CFAP96: variants seen among roughly 807,000 people sequenced by gnomAD.
CFAP96 encodes cilia and flagella associated protein 96, also known as cilia-and flagella-associated protein 96.
At chr4:185,416,298 T>C in the CFAP96 span, among the ~76,000 whole-genome samples, 3 of 152,236 alleles carry the variant, frequency 2.0e-5, no homozygotes, top group Non-Finnish European at 4.4e-5. Context: ...TCTCCACTTT[T>C]GTACTGATTT....
At chr4:185,443,647 C>A in the CFAP96 span, among the ~76,000 whole-genome samples, 1 of 151,580 alleles carries the variant, frequency 6.6e-6, no homozygotes, top group Non-Finnish European at 1.5e-5. Flanking sequence ...CAGTGCCTGG[C>A]CTATTTTATA....
At chr4:185,424,224 T>C in the CFAP96 span, among the ~76,000 whole-genome samples, 1 of 151,844 alleles carries the variant, frequency 6.6e-6, no homozygotes, top group African/African-American at 2.4e-5. Flanking sequence ...GAGGACTGCT[T>C]GGGCCGGGGA....
chr4:185,413,678 A>T, the CFAP96 span: 2 of 1,549,034 alleles, frequency 1.3e-6, no homozygotes, highest in East Asian at 2.3e-5. Context: ...AAAACAACTA[A>T]TAACATTACT....
chr4:185,437,449 C>A, the CFAP96 span, among the ~76,000 whole-genome samples: 28 of 152,264 alleles, frequency 1.8e-4, no homozygotes, highest in East Asian at 5.4e-3. Context: ...CATTAAATGG[C>A]AATCACTTTG....
the CFAP96 span, among the ~76,000 whole-genome samples, chr4:185,437,631 A>AT: frequency 1.4e-4 from 21 of 152,176 alleles, no homozygotes. Flanking sequence ...TTCTTATAAA[A>AT]TTGTATATAA....
the CFAP96 span, chr4:185,426,315 A>T: frequency 6.2e-6 from 1 of 161,374 alleles, no homozygotes; most frequent in Admixed American, 6.3e-5. Context: ...CCCGCAGCGC[A>T]GTTAACGTGG....
chr4:185,436,388 C>T, the CFAP96 span: 1 of 1,451,638 alleles, frequency 6.9e-7, no homozygotes, highest in Middle Eastern at 2.0e-4. Flanking sequence ...ATGTTTCAAC[C>T]TTTCTTTTAT....
chr4:185,429,439 A>G, the CFAP96 span: 6 of 1,537,588 alleles, frequency 3.9e-6, no homozygotes, highest in African/African-American at 1.4e-5. Context: ...AAAAACGGAC[A>G]TGGAAAGGAT....
chr4:185,435,006 G>A, the CFAP96 span, among the ~76,000 whole-genome samples: 1 of 151,824 alleles, frequency 6.6e-6, no homozygotes, highest in East Asian at 1.9e-4. Context: ...CTCCCAAAGT[G>A]CTGGGATTAC....
At chr4:185,445,020 T>G in the CFAP96 span, 2 of 1,551,532 alleles carry the variant, frequency 1.3e-6, no homozygotes, top group Non-Finnish European at 1.7e-6. Flanking sequence ...CTGCTGACCC[T>G]TATGTGGCTA....
At chr4:185,446,828 A>G in the CFAP96 span, among the ~76,000 whole-genome samples, 1 of 152,226 alleles carries the variant, frequency 6.6e-6, no homozygotes, top group Non-Finnish European at 1.5e-5. Flanking sequence ...GGGACTAATT[A>G]GCTTGAGATG....
At chr4:185,411,249 C>T in the CFAP96 span, among the ~76,000 whole-genome samples, 2 of 151,410 alleles carry the variant, frequency 1.3e-5, no homozygotes, top group South Asian at 2.1e-4. Flanking sequence ...AAAGCTGTTA[C>T]CAAAACTAAA....
the CFAP96 span, chr4:185,415,938 C>A: frequency 3.0e-5 from 39 of 1,299,826 alleles, no homozygotes; most frequent in Admixed American, 1.9e-4. Context: ...AGTAAAAAGA[C>A]TTTTCAAAAA....
chr4:185,408,440 A>G, the CFAP96 span: 1 of 1,612,392 alleles, frequency 6.2e-7, no homozygotes, highest in Non-Finnish European at 8.5e-7. Context: ...ATAAATCTAT[A>G]TACAGAGAAG....
the CFAP96 span, among the ~76,000 whole-genome samples, chr4:185,431,191 C>A: frequency 2.5e-5 from 3 of 121,076 alleles, no homozygotes; most frequent in Non-Finnish European, 4.8e-5. Context: ...GCCTGGGCAA[C>A]AGAGTGAGAC....
chr4:185,427,954 C>T, the CFAP96 span, among the ~76,000 whole-genome samples: 1 of 150,888 alleles, frequency 6.6e-6, no homozygotes, highest in East Asian at 1.9e-4. Context: ...GGCGTGGTGG[C>T]AGACGCCTGT....
chr4:185,425,983 A>C, the CFAP96 span: 2 of 1,182,314 alleles, frequency 1.7e-6, no homozygotes, highest in Non-Finnish European at 2.4e-6. Flanking sequence ...ACCAACTACA[A>C]CTCCCGACAT....
chr4:185,442,196 C>T, the CFAP96 span, among the ~76,000 whole-genome samples: 2 of 151,952 alleles, frequency 1.3e-5, no homozygotes, highest in Non-Finnish European at 2.9e-5. Flanking sequence ...CTGTCATATT[C>T]TCCAGAACTT....
the CFAP96 span, among the ~76,000 whole-genome samples, chr4:185,425,078 A>C: frequency 6.6e-6 from 1 of 152,228 alleles, no homozygotes; most frequent in Non-Finnish European, 1.5e-5. Context: ...AAGGATGGTA[A>C]GAGTGGCGAC....
Sources: allele counts gnomAD v4.1 joint callset (sites outside exome capture counted in the v4.1 genomes callset), GRCh38; gene constraint gnomAD v4.1.1; transcripts MANE v1.5; gene names NCBI Gene and HGNC (gene_info 2026-07-23, HGNC 2026-07-21).